CHN2: variants seen among roughly 807,000 people sequenced by gnomAD.
The protein encoded by CHN2 is chimerin 2.
Under a neutral mutation model 56.3 loss-of-function variants are expected in CHN2, and 35 were observed. That is an observed-to-expected ratio of 0.62 (90% CI 0.47 to 0.82). The LOEUF (loss-of-function observed/expected upper bound fraction) is 0.82. CHN2 is among the 40% of genes least tolerant of loss of function. The pLI is 0.00. For missense variants in CHN2, 491 were observed against 580.5 expected (o/e 0.85, Z 1.58); for synonymous variants, 210 against 212.8 (o/e 0.99, Z 0.12).
At chr7:29,473,482 T>TTTTTTG (rs539151442) in intron 6 of CHN2, among the ~76,000 whole-genome samples, 1,360 of 118,124 alleles carry the variant, frequency 0.012, 25 homozygotes, top group African/African-American at 0.016. Flanking sequence ...TTTTTTTTTT[T>TTTTTTG]TGTGTGTGTG....
chr7:29,509,169 A>G (rs1790974708), intron 11 of CHN2, 132 bp from the exon 12 acceptor site: 1 of 661,798 alleles, frequency 1.5e-6, no homozygotes, highest in African/African-American at 1.8e-5. Context: ...GATTAAGTGA[A>G]ACAGTGCTTG....
intron 1 of CHN2, among the ~76,000 whole-genome samples, chr7:29,210,905 T>C (rs779527766): frequency 1.1e-3 from 162 of 151,990 alleles, no homozygotes; most frequent in East Asian, 3.9e-4. Context: ...ACAAGGCCAG[T>C]AGAGTGAGAA....
intron 6 of CHN2, among the ~76,000 whole-genome samples, chr7:29,476,887 C>G (rs1317020519): frequency 6.6e-6 from 1 of 152,050 alleles, no homozygotes; most frequent in African/African-American, 2.4e-5. Flanking sequence ...TCAAACAGAG[C>G]ATGTAGGGAA....
intron 1 of CHN2, among the ~76,000 whole-genome samples, chr7:29,252,579 T>TTTTTGTTTTTTG (rs1562866406): frequency 9.7e-5 from 1 of 10,304 alleles, no homozygotes; most frequent in African/African-American, 1.5e-3. Flanking sequence ...GCATTCTTTG[T>TTTTTGTTTTTTG]TTTTTTTTTT....
At chr7:29,218,455 A>G (rs930064145) in intron 1 of CHN2, among the ~76,000 whole-genome samples, 1 of 152,156 alleles carries the variant, frequency 6.6e-6, no homozygotes, top group Admixed American at 6.5e-5. Context: ...ATTACTGGGT[A>G]TATACCCAAA....
chr7:29,474,760 T>C (rs1308166946), intron 6 of CHN2, among the ~76,000 whole-genome samples: 4 of 152,290 alleles, frequency 2.6e-5, no homozygotes, highest in Non-Finnish European at 5.9e-5. Context: ...CAAAGAGCCC[T>C]CCTTAAAATG....
chr7:29,269,958 G>T (rs1287020670), intron 1 of CHN2, among the ~76,000 whole-genome samples: 1 of 152,172 alleles, frequency 6.6e-6, no homozygotes, highest in Non-Finnish European at 1.5e-5. Context: ...TGCTTCTGGG[G>T]ATTGGAGAAA....
intron 1 of CHN2, among the ~76,000 whole-genome samples, chr7:29,266,152 G>C (rs1219624528): frequency 6.6e-6 from 1 of 152,216 alleles, no homozygotes; most frequent in Non-Finnish European, 1.5e-5. Flanking sequence ...CTTCCAGTAT[G>C]AGGGCGCCAA....
At chr7:29,152,582 T>C (rs1397691285) in intron 2 of CHN2, among the ~76,000 whole-genome samples, 1 of 152,190 alleles carries the variant, frequency 6.6e-6, no homozygotes, top group African/African-American at 2.4e-5. Flanking sequence ...TAATGTGATA[T>C]AAATTGCCTG....
intron 2 of CHN2, among the ~76,000 whole-genome samples, chr7:29,157,263 C>A (rs542968911): frequency 6.6e-6 from 1 of 151,988 alleles, no homozygotes; most frequent in South Asian, 2.1e-4. Flanking sequence ...CCCTCCCCCA[C>A]CCTGCTACAC....
At chr7:29,336,797 A>G (rs1160870837) in intron 1 of CHN2, among the ~76,000 whole-genome samples, 1 of 145,062 alleles carries the variant, frequency 6.9e-6, no homozygotes. Context: ...AAAGCTTCAC[A>G]TGCAAACCAG....
intron 1 of CHN2, among the ~76,000 whole-genome samples, chr7:29,292,022 AAT>A (rs1240199527): frequency 6.6e-6 from 1 of 152,198 alleles, no homozygotes; most frequent in African/African-American, 2.4e-5. Flanking sequence ...TATTTAATTC[AAT>A]ATGTTTAAAG....
In CHN2 at chr7:29,372,804, CA is replaced by C. The variant is rs1037367715; in HGVS notation, c.144+4821del. On this transcript the variant is annotated intron_variant, in intron 3 of 12. Coordinates refer to ENST00000222792, the MANE Select transcript of CHN2 (RefSeq NM_004067.4). ...TTTCTTCTTGGCCTCTCCAAAAGGC[CA>C]AAATGGCAAGATTTACTTGTGTGAC... Among the ~76,000 whole-genome samples the C allele has an allele frequency of 2.6e-4, 39 of 152,126 alleles. 1 individual carries two copies. The highest frequency in any genetic ancestry group is 5.9e-5 in the Non-Finnish European group (4 of 68,024).
intron 6 of CHN2, among the ~76,000 whole-genome samples, chr7:29,453,262 T>C (rs2128132166): frequency 6.6e-6 from 1 of 152,356 alleles, no homozygotes; most frequent in East Asian, 1.9e-4. Flanking sequence ...TGGTTGGATT[T>C]GTGGTCCAGG....
chr7:29,273,280 A>G (rs1287519351), intron 1 of CHN2, among the ~76,000 whole-genome samples: 1 of 146,908 alleles, frequency 6.8e-6, no homozygotes, highest in Non-Finnish European at 1.5e-5. Context: ...ATGATGTGGC[A>G]AATGGAAGGA....
intron 1 of CHN2, among the ~76,000 whole-genome samples, chr7:29,299,338 T>C (rs1259160219): frequency 6.6e-6 from 1 of 152,240 alleles, no homozygotes; most frequent in Non-Finnish European, 1.5e-5. Flanking sequence ...TTGTTTATCA[T>C]GTGTGTTCAT....
chr7:29,392,704 G>A (rs1013518326), intron 3 of CHN2, among the ~76,000 whole-genome samples: 1 of 152,122 alleles, frequency 6.6e-6, no homozygotes, highest in African/African-American at 2.4e-5. Flanking sequence ...GCTAGGCCAG[G>A]AAACTGCCCC....
intron 2 of CHN2, among the ~76,000 whole-genome samples, chr7:29,155,043 T>C (rs543612944): frequency 3.9e-5 from 6 of 152,134 alleles, no homozygotes; most frequent in Admixed American, 3.9e-4. Context: ...TTTAAAACCA[T>C]CAGATCTCGT....
chr7:29,452,812 C>T (rs978478199), intron 6 of CHN2, among the ~76,000 whole-genome samples: 9 of 152,106 alleles, frequency 5.9e-5, no homozygotes, highest in African/African-American at 1.4e-4. Flanking sequence ...CATTCTGTCC[C>T]GGAGAGCAAG....
Sources: allele counts gnomAD v4.1 joint callset (sites outside exome capture counted in the v4.1 genomes callset), GRCh38; gene constraint gnomAD v4.1.1; transcripts MANE v1.5; gene names NCBI Gene and HGNC (gene_info 2026-07-23, HGNC 2026-07-21).